The following PCDHGC3 variants were observed in gnomAD, a reference collection of about 807,000 sequenced individuals.
The protein encoded by PCDHGC3 is protocadherin gamma subfamily C, 3, also known as protocadherin gamma-C3.
Under a neutral mutation model 59.2 loss-of-function variants are expected in PCDHGC3, and 26 were observed. That is an observed-to-expected ratio of 0.44 (90% CI 0.32 to 0.61). PCDHGC3 has a LOEUF of 0.61. Ranked by LOEUF, PCDHGC3 falls within the 20% of genes least tolerant of loss-of-function variation. The pLI, the probability that PCDHGC3 is intolerant of heterozygous loss-of-function variation, is 0.05. For synonymous variants in PCDHGC3, 487 were observed against 519.7 expected (o/e 0.94, Z 0.86); for missense variants, 1,080 against 1,221.8 (o/e 0.88, Z 1.73).
At chr5:141,492,218 T>C (rs2099738354) in intron 1 of PCDHGC3, among the ~76,000 whole-genome samples, 1 of 152,114 alleles carries the variant, frequency 6.6e-6, no homozygotes. Flanking sequence ...GCGGGGCTCA[T>C]GCGTGTCCTC....
In PCDHGC3 at chr5:141,491,731, C is replaced by T. The variant is rs1198438920; in HGVS notation, c.2431-3076C>T. ...GGGCTCGGCGCCGCCCCGGGCGACC[C>T]CTGGGGGCGGCACTGGAGAAGCCGC... On this transcript the variant is annotated intron_variant, in intron 1 of 3. Coordinates refer to ENST00000308177, the MANE Select transcript of PCDHGC3 (RefSeq NM_002588.4). The surrounding 1 kb of genome is among the most constrained non-coding windows in gnomAD (Gnocchi z 6.9). 1 of 1,603,678 alleles carries T rather than the reference C, an allele frequency of 6.2e-7. No homozygotes were observed. Among genetic ancestry groups the T allele is most frequent in the Non-Finnish European group, 8.5e-7 (1 of 1,175,748 alleles).
chr5:141,477,630 T>G lies in PCDHGC3; in HGVS notation c.1514T>G (p.Leu505Arg). The G allele has an allele frequency of 6.2e-7, 1 of 1,614,228 alleles. No homozygotes were observed. The highest frequency in any genetic ancestry group is 8.5e-7 in the Non-Finnish European group (1 of 1,180,042). ...FLLEQGAETG[L>R]VGRYFTINRD... ...TTGGAGCAAGGAGCTGAAACCGGGC[T>G]AGTGGGTCGCTATTTCACAATAAAT... Residue 505 changes from leucine (L) to arginine (R), a missense_variant, in exon 1 of 4, where the codon CTA becomes CGA. Physicochemically the swap from Leu to Arg is moderately radical, Grantham distance 102. Coordinates refer to ENST00000308177, the MANE Select transcript of PCDHGC3 (RefSeq NM_002588.4). The surrounding 1 kb of genome is among the most constrained non-coding windows in gnomAD (Gnocchi z 4.9).
In PCDHGC3 at chr5:141,491,144, TGGA is replaced by T. The variant is rs757881044; in HGVS notation, c.2431-3659_2431-3657del. ...GAGGTGCGCACAGCCCGGGCCTTAC[TGGA>T]GGATGACTCTGACACCCAGCAGGTG... On this transcript the variant is annotated intron_variant, in intron 1 of 3. Coordinates refer to ENST00000308177, the MANE Select transcript of PCDHGC3 (RefSeq NM_002588.4). This position sits in a 1 kb window ranked among gnomAD's most constrained non-coding sequence, Gnocchi z 6.9. The T allele has an allele frequency of 1.2e-6, 2 of 1,614,158 alleles. No individual in the cohort carries two copies. The highest frequency in any genetic ancestry group is 2.2e-5 in the South Asian group (2 of 91,086).
In PCDHGC3 at chr5:141,477,472, C is replaced by T. The variant is rs764533834; in HGVS notation, c.1356C>T (p.Asp452=). 1 of 1,614,156 alleles carries T rather than the reference C, an allele frequency of 6.2e-7. No homozygotes were observed. Among genetic ancestry groups the T allele is most frequent in the South Asian group, 1.1e-5 (1 of 91,080 alleles). Reference sequence around the variant, plus strand: ...GTGTTCAAGTGTCCGACATCAATGACAACCCTCCACAATCTTCTCAATCTT... The same window carrying T: ...GTGTTCAAGTGTCCGACATCAATGATAACCCTCCACAATCTTCTCAATCTT... ...IVRVQVSDIN[D]NPPQSSQSSY... Residue 452 remains aspartate, a synonymous_variant, in exon 1 of 4, where the codon GAC becomes GAT. Transcript: ENST00000308177. This position sits in a 1 kb window ranked among gnomAD's most constrained non-coding sequence, Gnocchi z 4.9.
Position 141,487,781 on chromosome 5 carries a change from G to T in PCDHGC3, c.2431-7026G>T. ...AGACGCTGTGCTTTGTAACTGTTTC[G>T]TGAATTAACCAGAGTTGTCACAGTT... On this transcript the variant is annotated intron_variant, in intron 1 of 3. Transcript: ENST00000308177. This position sits in a 1 kb window ranked among gnomAD's most constrained non-coding sequence, Gnocchi z 5.0. 2 of 1,526,850 alleles carry T rather than the reference G, an allele frequency of 1.3e-6. No homozygotes were observed. The highest frequency in any genetic ancestry group is 8.8e-7 in the Non-Finnish European group (1 of 1,130,880). The allele number at this position is 1,526,850 out of a possible 1,614,324, so 94.6% of individuals were successfully genotyped here. A position where few individuals can be genotyped will look rare whatever the true frequency, so the allele number is the denominator to read the frequency against.
chr5:141,482,767 A>AGCTAGTACTATAATTATTTTTATTAGTTC (rs1370824281), intron 1 of PCDHGC3, among the ~76,000 whole-genome samples: 2 of 150,588 alleles, frequency 1.3e-5, no homozygotes, highest in African/African-American at 2.5e-5. Context: ...TTTCATTATC[A>AGCTAGTACTATAATTATTTTTATTAGTTC]CTGAACCTTA....
intron 2 of PCDHGC3, among the ~76,000 whole-genome samples, chr5:141,499,370 AT>A (rs932083472): frequency 2.0e-5 from 3 of 152,170 alleles, no homozygotes. Context: ...TAGCAACTTA[AT>A]TTTTTTCCAC....
chr5:141,491,666 G>A lies in PCDHGC3; in HGVS notation c.2431-3141G>A, dbSNP rs373526771. 9.4e-5 allele frequency: 152 copies of A among 1,613,614 alleles called. No homozygotes were observed. The highest frequency in any genetic ancestry group is 1.2e-4 in the Non-Finnish European group (142 of 1,180,016). The stretch of plus-strand genomic sequence containing the variant: ...CTGGCGCTGGAGCCTGACGCCATCC[G>A]GTCCCGCTCTAATACGCTGCGGGAG... On this transcript the variant is annotated intron_variant, in intron 1 of 3. Coordinates refer to ENST00000308177, the MANE Select transcript of PCDHGC3 (RefSeq NM_002588.4). This position sits in a 1 kb window ranked among gnomAD's most constrained non-coding sequence, Gnocchi z 6.9.
Position 141,477,203 on chromosome 5 carries a change from G to A in PCDHGC3, c.1087G>A (p.Glu363Lys). The A allele has an allele frequency of 6.2e-7, 1 of 1,614,176 alleles. No individual in the cohort carries two copies. The highest frequency in any genetic ancestry group is 8.5e-7 in the Non-Finnish European group (1 of 1,180,050). The part of the protein sequence containing the change: ...TVTSVYSPVP[E>K]DAPLGTVIAL... ...CACCTCCGTGTACAGCCCAGTACCC[G>A]AGGATGCCCCTCTGGGGACTGTCAT... Residue 363 changes from glutamate (E) to lysine (K), a missense_variant, in exon 1 of 4, where the codon GAG becomes AAG. Physicochemically the swap from Glu to Lys is moderately conservative, Grantham distance 56 (BLOSUM62 1). Coordinates refer to ENST00000308177, the MANE Select transcript of PCDHGC3 (RefSeq NM_002588.4). This position sits in a 1 kb window ranked among gnomAD's most constrained non-coding sequence, Gnocchi z 4.9.
chr5:141,484,277 G>T (rs1026083889), intron 1 of PCDHGC3, among the ~76,000 whole-genome samples: 1 of 152,126 alleles, frequency 6.6e-6, no homozygotes, highest in South Asian at 2.1e-4. Context: ...TTACTGTTTT[G>T]AAACATCTCC....
intron 2 of PCDHGC3, among the ~76,000 whole-genome samples, chr5:141,503,688 T>A (rs2099828724): frequency 6.6e-6 from 1 of 152,042 alleles, no homozygotes; most frequent in African/African-American, 2.4e-5. Context: ...GGAAGGAGAA[T>A]TGAGATTCCT....
chr5:141,499,689 C>CTTTT (rs545067566), intron 2 of PCDHGC3, among the ~76,000 whole-genome samples: 17 of 119,848 alleles, frequency 1.4e-4, no homozygotes, highest in East Asian at 2.4e-4. Context: ...TAACAGATGA[C>CTTTT]TTTTTTTTTT....
rs746408347 is a variant in PCDHGC3 at position 141,486,293 on chromosome 5, G to A, written c.2430+7747G>A. ...TGGCACTGTGGTGGCACTTATCAGT[G>A]TGCAGGATCCAGACTCAGGGTCAAA... On this transcript the variant is annotated intron_variant, in intron 1 of 3. Transcript: ENST00000308177. This position sits in a 1 kb window ranked among gnomAD's most constrained non-coding sequence, Gnocchi z 5.0. The A allele has an allele frequency of 3.1e-6, 5 of 1,614,018 alleles. No homozygotes were observed. In the Admixed American group the frequency reaches 8.3e-5, roughly 27 times the overall value.
In PCDHGC3 at chr5:141,489,362, C is replaced by T. The variant is rs1562129544; in HGVS notation, c.2431-5445C>T. 8 of 1,613,052 alleles carry T rather than the reference C, an allele frequency of 5.0e-6. No individual in the cohort carries two copies. Among genetic ancestry groups the T allele is most frequent in the South Asian group, 2.2e-5 (2 of 90,970 alleles). On this transcript the variant is annotated intron_variant, in intron 1 of 3. Coordinates refer to ENST00000308177, the MANE Select transcript of PCDHGC3 (RefSeq NM_002588.4). The surrounding 1 kb of genome is among the most constrained non-coding windows in gnomAD (Gnocchi z 4.5). ...TACTCAGTGGTGGAGGAGTCTGAGC[C>T]GGGGACGCTGGTGGGGAATGTTGCT...
At position 141,487,344 on chromosome 5, in the gene PCDHGC3, C is replaced by T. The variant is rs1232854025; in HGVS notation, c.2431-7463C>T. On this transcript the variant is annotated intron_variant, in intron 1 of 3. Coordinates refer to ENST00000308177, the MANE Select transcript of PCDHGC3 (RefSeq NM_002588.4). This position sits in a 1 kb window ranked among gnomAD's most constrained non-coding sequence, Gnocchi z 5.0. ...CTTCGTGGGGCAGCCTGTGGAGTCA[C>T]ATGCTTTCCTGCTGGCACCTGTGCC... 3 of 1,614,208 alleles carry T rather than the reference C, an allele frequency of 1.9e-6. No individual in the cohort carries two copies. The highest frequency in any genetic ancestry group is 3.3e-5 in the Admixed American group (2 of 60,024).
chr5:141,504,755 T>A (rs953075905), intron 2 of PCDHGC3, among the ~76,000 whole-genome samples: 13 of 151,824 alleles, frequency 8.6e-5, no homozygotes, highest in Non-Finnish European at 1.5e-5. Flanking sequence ...ATTTTAGAAA[T>A]TTCTTCTCCC....
At chr5:141,495,779 C>A (rs529564820) in intron 2 of PCDHGC3, among the ~76,000 whole-genome samples, 53 of 152,094 alleles carry the variant, frequency 3.5e-4, no homozygotes, top group Non-Finnish European at 4.6e-4. Flanking sequence ...TCCTGGACCT[C>A]TTTTCTGTTT....
chr5:141,489,896 C>T lies in PCDHGC3; in HGVS notation c.2431-4911C>T, dbSNP rs765318875. 3 of 1,614,180 alleles carry T rather than the reference C, an allele frequency of 1.9e-6. No homozygotes were observed. The highest frequency in any genetic ancestry group is 1.3e-5 in the African/African-American group (1 of 75,066). On this transcript the variant is annotated intron_variant, in intron 1 of 3. Coordinates refer to ENST00000308177, the MANE Select transcript of PCDHGC3 (RefSeq NM_002588.4). The surrounding 1 kb of genome is among the most constrained non-coding windows in gnomAD (Gnocchi z 4.5). ...GTGCTTACTGCTGTGGATGGGGGGA[C>T]CCCAGCCCGCTCAGGGACCACCCTT...
intron 1 of PCDHGC3, among the ~76,000 whole-genome samples, chr5:141,484,627 A>G (rs866882607): frequency 5.3e-5 from 8 of 152,162 alleles, no homozygotes; most frequent in Middle Eastern, 3.4e-3. Flanking sequence ...TGGCTTGAAC[A>G]AAGTGACCAC....
Sources: gnomAD v4.1 joint callset for allele counts (sites outside exome capture counted in the v4.1 genomes callset) on GRCh38, gnomAD v4.1.1 for gene constraint, Gnocchi (gnomAD v3.1) non-coding constraint, MANE v1.5 for transcripts, NCBI Gene and HGNC (gene_info 2026-07-23, HGNC 2026-07-21) for gene names.